The following GMDS variants were observed in gnomAD, a reference collection of about 807,000 sequenced individuals.
GMDS encodes GDP-mannose 4,6 dehydratase.
Under a neutral mutation model 49.9 loss-of-function variants are expected in GMDS, and 20 were observed. That is an observed-to-expected ratio of 0.40 (90% CI 0.28 to 0.58). The LOEUF (loss-of-function observed/expected upper bound fraction) is 0.58, where lower values mean the gene tolerates loss of function less well. GMDS is among the 20% of genes least tolerant of loss of function. The pLI, the probability that GMDS is intolerant of heterozygous loss-of-function variation, is 0.42. For missense variants in GMDS, 362 were observed against 481.4 expected, an observed-to-expected ratio of 0.75 and a Z score of 2.32; for synonymous variants, 177 against 178.6, an observed-to-expected ratio of 0.99 and a Z score of 0.07.
intron 8 of GMDS, among the ~76,000 whole-genome samples, chr6:1,732,145 G>C (rs1189121284): frequency 6.6e-6 from 1 of 152,112 alleles, no homozygotes; most frequent in African/African-American, 2.4e-5. Context: ...GGCCAACATG[G>C]TGAAACCCTG....
At chr6:1,809,820 C>T (rs1389192221) in intron 7 of GMDS, among the ~76,000 whole-genome samples, 1 of 152,020 alleles carries the variant, frequency 6.6e-6, no homozygotes, top group African/African-American at 2.4e-5. Context: ...GAGAGTGATG[C>T]AACAACCACG....
chr6:1,799,224 C>T (rs1561812059), intron 7 of GMDS, among the ~76,000 whole-genome samples: 3 of 152,044 alleles, frequency 2.0e-5, no homozygotes, highest in Admixed American at 1.3e-4. Flanking sequence ...CTGTGCTTCC[C>T]GCTGGCAAAG....
At chr6:1,951,134 A>C (rs1763320895) in intron 6 of GMDS, among the ~76,000 whole-genome samples, 1 of 152,160 alleles carries the variant, frequency 6.6e-6, no homozygotes, top group Admixed American at 6.5e-5. Flanking sequence ...GCAACAAATA[A>C]AGACAATCTT....
intron 6 of GMDS, among the ~76,000 whole-genome samples, chr6:1,944,513 T>C (rs1198569212): frequency 1.4e-5 from 2 of 142,454 alleles, no homozygotes; most frequent in African/African-American, 2.7e-5. Flanking sequence ...TAAAAAAATA[T>C]ATATATATTA....
At chr6:2,209,622 C>T (rs1779976316) in intron 1 of GMDS, among the ~76,000 whole-genome samples, 1 of 151,774 alleles carries the variant, frequency 6.6e-6, no homozygotes, top group South Asian at 2.1e-4. Context: ...CTCTCTCTCT[C>T]TCTCTGGACT....
At chr6:1,687,976 T>C (rs971673193) in intron 9 of GMDS, among the ~76,000 whole-genome samples, 1 of 152,118 alleles carries the variant, frequency 6.6e-6, no homozygotes. Context: ...AGAGGTAATG[T>C]GGTCTCACTT....
chr6:1,959,934 G>A lies in GMDS; in HGVS notation c.576C>T (p.Asn192=), dbSNP rs1346829078. The change falls in exon 6 of 11, where the codon AAC becomes AAT. Residue 192 remains asparagine (N), a synonymous_variant. Transcript: ENST00000380815. The stretch of plus-strand genomic sequence containing the variant: ...CAAAGAGATTATACGCCTCACGGAA[G>A]TTCACCACAATCCAATAGGCATAGA... The part of the protein sequence containing the change: ...AKLYAYWIVV[N]FREAYNLFAV... 3 of 1,610,052 alleles carry A rather than the reference G, an allele frequency of 1.9e-6. No individual in the cohort carries two copies. Among genetic ancestry groups the A allele is most frequent in the Non-Finnish European group, 2.5e-6 (3 of 1,178,380 alleles).
chr6:2,168,789 A>G (rs1777799033), intron 1 of GMDS, among the ~76,000 whole-genome samples: 1 of 152,230 alleles, frequency 6.6e-6, no homozygotes, highest in Admixed American at 6.5e-5. Context: ...TATTGTAAGC[A>G]AGGTCAAAAT....
intron 9 of GMDS, among the ~76,000 whole-genome samples, chr6:1,634,193 G>C (rs1199695802): frequency 6.6e-6 from 1 of 152,170 alleles, no homozygotes; most frequent in Non-Finnish European, 1.5e-5. Flanking sequence ...CACCCAGCTG[G>C]CCCTGAAAGA....
intron 4 of GMDS, among the ~76,000 whole-genome samples, chr6:2,082,959 C>T (rs1391858727): frequency 1.3e-5 from 2 of 152,226 alleles, no homozygotes; most frequent in Non-Finnish European, 2.9e-5. Context: ...TTCTTCATCA[C>T]AAGATGTCTT....
chr6:2,059,695 G>A lies in GMDS; in HGVS notation c.345+56076C>T, dbSNP rs866770313. On this transcript the variant is annotated intron_variant, in intron 4 of 10. Transcript: ENST00000380815. ...TGCACTCCAGCCTGGGCGACAGAGC[G>A]AGACTCCGTCTCAAAAAAAAAAAAA... Among the ~76,000 whole-genome samples, 228 of 15,430 alleles carry A rather than the reference G, an allele frequency of 0.015. No individual in the cohort carries two copies. In the Middle Eastern group the frequency reaches 0.17, roughly 11 times the overall value. The allele number at this position is 15,430 out of a possible 152,430, so 10.1% of individuals were successfully genotyped here.
At chr6:2,052,136 AAAAAAAACAGAAAAG>A (rs1351081695) in intron 4 of GMDS, among the ~76,000 whole-genome samples, 1 of 148,790 alleles carries the variant, frequency 6.7e-6, no homozygotes, top group Non-Finnish European at 1.5e-5. Context: ...AAAAAGAAAA[AAAAAAAACAGAAAAG>A]AAAAATAGGC....
rs1771838422 is a variant in GMDS at position 2,069,426 on chromosome 6, T to C, written c.345+46345A>G. Among the ~76,000 whole-genome samples the C allele has an allele frequency of 2.0e-5, 3 of 152,076 alleles. No homozygotes were observed. The South Asian group carries it at 6.2e-4, about 32-fold the overall frequency. ...GCCAAAATTGACAAATGGGATCTCA[T>C]TAAACTAAAGAGCTTCTGCACAGCA... On this transcript the variant is annotated intron_variant, in intron 4 of 10. Coordinates refer to ENST00000380815, the MANE Select transcript of GMDS (RefSeq NM_001500.4).
intron 7 of GMDS, among the ~76,000 whole-genome samples, chr6:1,887,306 C>G (rs1759654099): frequency 6.6e-6 from 1 of 151,918 alleles, no homozygotes; most frequent in African/African-American, 2.4e-5. Flanking sequence ...GCTCAGGGTA[C>G]CAGGAGGGAT....
At chr6:1,959,778 G>A (rs1395995660) in intron 6 of GMDS, 89 bp downstream of exon 6, 1 of 572,196 alleles carries the variant, frequency 1.7e-6, no homozygotes, top group Non-Finnish European at 2.9e-6. Context: ...AAATTTTTCA[G>A]TCTCTGTAGT....
Position 1,719,666 on chromosome 6 carries a change from G to A in GMDS, c.987+6750C>T, listed in dbSNP as rs75524379. On this transcript the variant is annotated intron_variant, in intron 9 of 10. Transcript: ENST00000380815. ...GGGATTTTTTAGATTTCCGAATACA[G>A]AGGTCATCGGCCAAAGATGAAAATA... 4.0e-3 allele frequency among the ~76,000 whole-genome samples: 610 copies of A among 151,130 alleles called. 8 individuals carry two copies. Among genetic ancestry groups the A allele is most frequent in the Non-Finnish European group, 6.0e-3 (410 of 67,870 alleles).
chr6:1,678,040 A>G (rs188967619), intron 9 of GMDS, among the ~76,000 whole-genome samples: 3 of 152,254 alleles, frequency 2.0e-5, no homozygotes, highest in African/African-American at 4.8e-5. Flanking sequence ...TTAACTTTTT[A>G]TATTTGTAAT....
chr6:1,820,785 C>T (rs1214145744), intron 7 of GMDS, among the ~76,000 whole-genome samples: 1 of 152,170 alleles, frequency 6.6e-6, no homozygotes, highest in South Asian at 2.1e-4. Flanking sequence ...TAACTGCAAG[C>T]CTGCTGCTTT....
At chr6:1,982,298 G>A (rs1450043059) in intron 4 of GMDS, among the ~76,000 whole-genome samples, 1 of 152,164 alleles carries the variant, frequency 6.6e-6, no homozygotes, top group African/African-American at 2.4e-5. Flanking sequence ...GCAAAAGCTG[G>A]AAGCATTCCC....
Sources: gnomAD v4.1 joint callset for allele counts (sites outside exome capture counted in the v4.1 genomes callset) on GRCh38, gnomAD v4.1.1 for gene constraint, MANE v1.5 for transcripts, NCBI Gene and HGNC (gene_info 2026-07-23, HGNC 2026-07-21) for gene names.